Variants in PSTPIP1 observed in about 807,000 individuals in gnomAD.
The protein encoded by PSTPIP1 is proline-serine-threonine phosphatase interacting protein 1.
PSTPIP1 carries 66 observed loss-of-function variants against 69.6 expected under a neutral mutation model. That is an observed-to-expected ratio of 0.95 (90% confidence interval 0.78 to 1.16). The LOEUF (loss-of-function observed/expected upper bound fraction) is 1.16. Among genes scored for constraint, PSTPIP1 ranks in the 50% most tolerant of loss-of-function variants. PSTPIP1 has a pLI of 0.00. For synonymous variants in PSTPIP1, 266 were observed against 222.7 expected (o/e 1.19, Z -1.73); for missense variants, 603 against 557.4 (o/e 1.08, Z -0.82).
At chr15:76,996,817 G>A (rs147132158) in intron 1 of PSTPIP1, among the ~76,000 whole-genome samples, 1,868 of 152,204 alleles carry the variant, frequency 0.012, 10 homozygotes, top group African/African-American at 0.019. Flanking sequence ...CAGCCCATCC[G>A]GAGGACCAGG....
upstream of PSTPIP1, chr15:76,994,903 G>A (rs556896344): frequency 7.5e-5 from 96 of 1,283,142 alleles, no homozygotes; most frequent in Admixed American, 6.2e-4. Flanking sequence ...ACTGGCTGGC[G>A]GGTGACACAC....
chr15:77,020,928 G>A (rs2152680728), intron 3 of PSTPIP1, among the ~76,000 whole-genome samples: 1 of 152,154 alleles, frequency 6.6e-6, no homozygotes, highest in African/African-American at 2.4e-5. Flanking sequence ...TCAACATCGG[G>A]GCTGGTGGCC....
chr15:77,008,941 C>A (rs1279006239), intron 1 of PSTPIP1, among the ~76,000 whole-genome samples: 7 of 152,314 alleles, frequency 4.6e-5, no homozygotes, highest in Admixed American at 3.9e-4. Flanking sequence ...CTTTACTTGG[C>A]AGGCGCCATC....
At chr15:77,026,144 G>A (rs1326016660) in intron 5 of PSTPIP1, 2 of 455,980 alleles carry the variant, frequency 4.4e-6, no homozygotes, top group African/African-American at 4.0e-5. Flanking sequence ...CAGAGTGACT[G>A]CATGGAAGTG....
At chr15:77,025,665 G>A in intron 5 of PSTPIP1, 61 bp downstream of exon 5, 2 of 1,424,686 alleles carry the variant, frequency 1.4e-6, no homozygotes, top group Non-Finnish European at 1.9e-6. Context: ...CAGTTGCTGT[G>A]GGGGTAGGGG....
intron 1 of PSTPIP1, among the ~76,000 whole-genome samples, chr15:77,010,952 C>G (rs1283351265): frequency 6.6e-6 from 1 of 152,150 alleles, no homozygotes; most frequent in African/African-American, 2.4e-5. Flanking sequence ...AGCCCTCTCT[C>G]TCTTTTCTGC....
intron 2 of PSTPIP1, 89 bp from the exon 3 acceptor site, chr15:77,018,368 T>A: frequency 6.5e-7 from 1 of 1,538,992 alleles, no homozygotes; most frequent in South Asian, 1.2e-5. Flanking sequence ...CGCCCTGCTT[T>A]AAAAAACTCT....
At chr15:77,004,959 C>T (rs747225781) in intron 1 of PSTPIP1, among the ~76,000 whole-genome samples, 1 of 152,154 alleles carries the variant, frequency 6.6e-6, no homozygotes, top group Admixed American at 6.5e-5. Flanking sequence ...AATGCCCAGG[C>T]CACACCCCAG....
At chr15:77,035,647 T>G in intron 13 of PSTPIP1, 84 bp downstream of exon 13, 1 of 1,490,186 alleles carries the variant, frequency 6.7e-7, no homozygotes, top group South Asian at 1.2e-5. Flanking sequence ...ATGGGGCCAC[T>G]GAGGCCCTCA....
chr15:77,012,148 T>TCCAC (rs2075950672), intron 1 of PSTPIP1, among the ~76,000 whole-genome samples: 1 of 122,486 alleles, frequency 8.2e-6, no homozygotes, highest in Non-Finnish European at 1.7e-5. Context: ...CATCCATCCA[T>TCCAC]CCATCCATCC....
rs139056263 is a variant in PSTPIP1 at position 77,000,502 on chromosome 15, CAT to C, written c.36+4895_36+4896del. Among the ~76,000 whole-genome samples, 475 of 148,168 alleles carry C rather than the reference CAT, an allele frequency of 3.2e-3. 8 individuals are homozygous for C. Among genetic ancestry groups the C allele is most frequent in the South Asian group, 0.02 (93 of 4,690 alleles). Reference sequence around the variant, plus strand: ...ACACACACACACACACACACACACACATACACACACACACTTTCTAAAGAAAC... The same window carrying C: ...ACACACACACACACACACACACACACACACACACACACTTTCTAAAGAAAC... On this transcript the variant is annotated intron_variant, in intron 1 of 14. Transcript: ENST00000558012.
In PSTPIP1 at chr15:77,025,576, G is replaced by C; in HGVS notation, c.326G>C (p.Arg109Pro). ...GAGCTGCGGAGTCTCGAGGAGTTTCGTGAGAGGCAGAAGGAGCAGAGGAAG... is the reference window on the plus strand; with the variant it reads ...GAGCTGCGGAGTCTCGAGGAGTTTCCTGAGAGGCAGAAGGAGCAGAGGAAG... ...REELRSLEEFRERQKEQRKKY... is the reference protein window; with the variant it reads ...REELRSLEEFPERQKEQRKKY... Residue 109 changes from arginine to proline, a missense_variant, in exon 5 of 15, where the codon CGT becomes CCT. Arg to Pro is a moderately radical substitution (Grantham distance 103). Coordinates refer to ENST00000558012, the MANE Select transcript of PSTPIP1 (RefSeq NM_003978.5). The C allele has an allele frequency of 6.4e-7, 1 of 1,551,214 alleles. No individual in the cohort carries two copies. The highest frequency in any genetic ancestry group is 8.7e-7 in the Non-Finnish European group (1 of 1,146,332).
At chr15:77,031,013 G>A (rs1315699234) in intron 9 of PSTPIP1, among the ~76,000 whole-genome samples, 167 bp from the exon 10 acceptor site, 1 of 152,206 alleles carries the variant, frequency 6.6e-6, no homozygotes, top group African/African-American at 2.4e-5. Flanking sequence ...CAGCCTCAGG[G>A]CTGGCCCGGA....
chr15:77,030,382 C>A, intron 8 of PSTPIP1, 120 bp from the exon 9 acceptor site: 1 of 1,004,276 alleles, frequency 1.0e-6, no homozygotes, highest in Non-Finnish European at 1.5e-6. Flanking sequence ...TCTGCTAGGG[C>A]AGGTCCCATG....
At chr15:77,025,903 C>T (rs2076270062) in intron 5 of PSTPIP1, among the ~76,000 whole-genome samples, 1 of 152,184 alleles carries the variant, frequency 6.6e-6, no homozygotes, top group Admixed American at 6.5e-5. Flanking sequence ...TCTGTGGCAA[C>T]TTGGCAGTGT....
In PSTPIP1 at chr15:77,037,171, CTT is replaced by C. The variant is rs2076601507; in HGVS notation, c.1248_1249del (p.Ter417ArgfsTer46). ...CGTCCCTGGTTCCTACCTGGAGAAG[CTT>C]TGAGGAAGGGCCAGGAGCCCCTTCG... ...GFVPGSYLEK[L>X] On this transcript the variant is annotated frameshift_variant, in exon 15 of 15. Transcript: ENST00000558012. LOFTEE classifies it high-confidence loss of function. 6.2e-7 allele frequency: 1 copy of C among 1,605,192 alleles called. No homozygotes were observed.
At chr15:77,025,251 C>G (rs750990216) in intron 3 of PSTPIP1, 33 bp from the exon 4 acceptor site, 1 of 1,592,798 alleles carries the variant, frequency 6.3e-7, no homozygotes, top group Non-Finnish European at 8.6e-7. Context: ...GCTGTGCTCT[C>G]CTCCTCCTGA....
At chr15:77,008,594 G>C (rs1373034362) in intron 1 of PSTPIP1, among the ~76,000 whole-genome samples, 1 of 152,152 alleles carries the variant, frequency 6.6e-6, no homozygotes, top group East Asian at 1.9e-4. Context: ...ATTTTTAGTA[G>C]AGATGGGGTT....
Position 77,027,945 on chromosome 15 carries a change from C to A in PSTPIP1, c.417+31C>A. Reference sequence around the variant, plus strand: ...CGCCAGGGCCTGGGGCCGCGGCCTTCCCTCGAGGAGCAGCGCAGGTCTCAG... The same window carrying A: ...CGCCAGGGCCTGGGGCCGCGGCCTTACCTCGAGGAGCAGCGCAGGTCTCAG... On this transcript the variant is annotated intron_variant, in intron 6 of 14. Coordinates refer to ENST00000558012, the MANE Select transcript of PSTPIP1 (RefSeq NM_003978.5). This position sits in a 1 kb window ranked among gnomAD's most constrained non-coding sequence, Gnocchi z 4.3. 1 of 1,526,076 alleles carries A rather than the reference C, an allele frequency of 6.6e-7. No individual in the cohort carries two copies. Among genetic ancestry groups the A allele is most frequent in the Non-Finnish European group, 8.9e-7 (1 of 1,124,736 alleles). The allele number at this position is 1,526,076 out of a possible 1,614,324, so 94.5% of individuals were successfully genotyped here.
Sources: gnomAD v4.1 joint callset for allele counts (sites outside exome capture counted in the v4.1 genomes callset) on GRCh38, gnomAD v4.1.1 for gene constraint, Gnocchi (gnomAD v3.1) non-coding constraint, MANE v1.5 for transcripts, NCBI Gene and HGNC (gene_info 2026-07-23, HGNC 2026-07-21) for gene names.